The following KIAA0319 variants were observed in gnomAD, a reference collection of about 807,000 sequenced individuals.
KIAA0319 encodes KIAA0319, also known as dyslexia-associated protein KIAA0319.
A neutral mutation model predicts 108.4 loss-of-function variants in KIAA0319; 83 were observed. The ratio of observed to expected loss-of-function variants is 0.77; its 90% CI spans 0.64 to 0.92. The LOEUF (loss-of-function observed/expected upper bound fraction) is 0.92. KIAA0319 is among the 40% of genes least tolerant of loss of function. The pLI is 0.00. For synonymous variants in KIAA0319, 484 were observed against 510.4 expected (o/e 0.95, Z 0.70); for missense variants, 1,195 against 1,322.4 (o/e 0.90, Z 1.49).
At chr6:24,628,253 T>G (rs1181676227) in intron 1 of KIAA0319, among the ~76,000 whole-genome samples, 1 of 152,232 alleles carries the variant, frequency 6.6e-6, no homozygotes, top group East Asian at 1.9e-4. Flanking sequence ...TGTCAGGTAT[T>G]GTAATTTTCC....
chr6:24,569,180 GC>G (rs1764320358), intron 12 of KIAA0319, among the ~76,000 whole-genome samples: 2 of 152,164 alleles, frequency 1.3e-5, no homozygotes, highest in Admixed American at 1.3e-4. Flanking sequence ...AAGTCAAGCT[GC>G]CAGTGAAATG....
At chr6:24,602,522 C>T (rs1039218548) in intron 1 of KIAA0319, among the ~76,000 whole-genome samples, 8 of 152,128 alleles carry the variant, frequency 5.3e-5, no homozygotes, top group Non-Finnish European at 1.0e-4. Context: ...GCATCCTGGC[C>T]GGGTGCGGTG....
rs73727983 is a variant in KIAA0319, at chr6:24,563,265, A to G, written c.2591+94T>C. On this transcript the variant is annotated intron_variant, in intron 16 of 20. Transcript: ENST00000378214. Reference sequence around the variant, plus strand: ...AAAAGTGTGTCAAAAATACAAAAGTAGCAGAGGAATGAACAGTTTTCTACT... The same window carrying G: ...AAAAGTGTGTCAAAAATACAAAAGTGGCAGAGGAATGAACAGTTTTCTACT... 1,205 of 1,363,450 alleles carry G rather than the reference A, an allele frequency of 8.8e-4. 15 individuals are homozygous for G. In the African/African-American group the frequency reaches 0.015, roughly 17 times the overall value. 84.5% of individuals were successfully genotyped at this position (1,363,450 alleles called of 1,614,324 possible). A position where few individuals can be genotyped will look rare whatever the true frequency, so the allele number is the denominator to read the frequency against.
At position 24,576,456 on chromosome 6, in the gene KIAA0319, T is replaced by C. The variant is rs1382765085; in HGVS notation, c.1646A>G (p.Asn549Ser). The change falls in exon 10 of 21, where the codon AAT becomes AGT. Residue 549 changes from asparagine to serine, a missense_variant. Coordinates refer to ENST00000378214, the MANE Select transcript of KIAA0319 (RefSeq NM_014809.4). Reference protein sequence around the residue: ...ITLPQNSITLNGNQSSDDHQI... With the variant: ...ITLPQNSITLSGNQSSDDHQI... ...GTGATCGTCACTGCTCTGGTTTCCA[T>C]TCAAAGTGATGGAGTTTTGGGGCAA... 6 of 1,614,046 alleles carry C rather than the reference T, an allele frequency of 3.7e-6. No individual in the cohort carries two copies. Among genetic ancestry groups the C allele is most frequent in the Non-Finnish European group, 5.1e-6 (6 of 1,180,028 alleles).
chr6:24,588,504 G>A lies in KIAA0319; in HGVS notation c.994+89C>T, dbSNP rs1767910429. The A allele has an allele frequency of 7.5e-6, 8 of 1,067,650 alleles. 1 individual carries two copies. The East Asian group carries it at 9.5e-5, about 13-fold the overall frequency. The allele number at this position is 1,067,650 out of a possible 1,614,324, so 66.1% of individuals were successfully genotyped here. A position where few individuals can be genotyped will look rare whatever the true frequency, so the allele number is the denominator to read the frequency against. On this transcript the variant is annotated intron_variant, in intron 4 of 20. Coordinates refer to ENST00000378214, the MANE Select transcript of KIAA0319 (RefSeq NM_014809.4). ...ATAGATGCTGAAAAATGTGCCTGGA[G>A]GGAATGAGTAAACTTTAAAAGTTGT...
intron 2 of KIAA0319, chr6:24,600,717 T>G (rs1178502497): frequency 2.7e-5 from 40 of 1,468,642 alleles, no homozygotes; most frequent in Non-Finnish European, 2.8e-6. Context: ...AAACTGAGTA[T>G]AATGAAAATA....
intron 1 of KIAA0319, among the ~76,000 whole-genome samples, chr6:24,642,814 A>C (rs900027090): frequency 5.9e-5 from 9 of 151,556 alleles, no homozygotes; most frequent in Admixed American, 1.3e-4. Flanking sequence ...CGCCTCCCGG[A>C]GTTCAAGTGA....
rs1441977279 is a variant in KIAA0319 at position 24,554,547 on chromosome 6, C to A, written c.2942G>T (p.Cys981Phe). ...GAATAAGCACTCTAGGTACCTTTTGCAGCAGCAGATGCAAAGCCAAGTGAA... is the reference window on the plus strand; with the variant it reads ...GAATAAGCACTCTAGGTACCTTTTGAAGCAGCAGATGCAAAGCCAAGTGAA... The part of the protein sequence containing the change: ...GGFTWLCICC[C>F]KRQKRTKIRK... The change falls in exon 19 of 21, where the codon TGC becomes TTC. Residue 981 changes from cysteine (C) to phenylalanine (F), a missense_variant. Cys to Phe is a radical substitution (Grantham distance 205). Transcript: ENST00000378214. 1.9e-6 allele frequency: 3 copies of A among 1,611,794 alleles called. No individual in the cohort carries two copies. Among genetic ancestry groups the A allele is most frequent in the Non-Finnish European group, 2.5e-6 (3 of 1,177,976 alleles).
At chr6:24,547,443 C>A in intron 20 of KIAA0319, 100 bp from the exon 21 acceptor site, 2 of 962,414 alleles carry the variant, frequency 2.1e-6, no homozygotes, top group South Asian at 1.6e-5. Flanking sequence ...CGGAGTGGTG[C>A]TCTCCGCCCC....
chr6:24,624,551 A>G lies in KIAA0319; in HGVS notation c.-106+21185T>C, dbSNP rs181882811. ...TAGCAGCTAAGTGTAATGCAGAAGA[A>G]GGAAAACATTGAGGAAAAAATAGAA... On this transcript the variant is annotated intron_variant, in intron 1 of 20. Coordinates refer to ENST00000378214, the MANE Select transcript of KIAA0319 (RefSeq NM_014809.4). 3.2e-4 allele frequency among the ~76,000 whole-genome samples: 48 copies of G among 152,304 alleles called. 1 individual carries two copies. Among genetic ancestry groups the G allele is most frequent in the Middle Eastern group, 6.8e-3 (2 of 294 alleles).
chr6:24,555,948 A>G (rs545022558), intron 18 of KIAA0319, among the ~76,000 whole-genome samples: 2 of 152,332 alleles, frequency 1.3e-5, no homozygotes, highest in Admixed American at 6.5e-5. Context: ...TAGTGAGCCA[A>G]TTCTGCTCTG....
At chr6:24,598,417 C>CA in intron 2 of KIAA0319, 1 of 595,062 alleles carries the variant, frequency 1.7e-6, no homozygotes, top group South Asian at 1.4e-5. Flanking sequence ...CCTGCAGCAG[C>CA]AGAAGACAGT....
chr6:24,637,501 AAAC>A (rs1310676872), intron 1 of KIAA0319, among the ~76,000 whole-genome samples: 2 of 152,210 alleles, frequency 1.3e-5, no homozygotes, highest in African/African-American at 4.8e-5. Flanking sequence ...AGTAATGTAA[AAAC>A]AACTGCATTG....
Position 24,589,662 on chromosome 6 carries a change from G to A in KIAA0319, c.802-877C>T, listed in dbSNP as rs147830407. ...GGCCTCCCCAGCCATGTGGAACTGT[G>A]AGTTACTTAAACCTCTTTCCTTTGT... is the stretch of plus-strand genomic sequence containing the variant. On this transcript the variant is annotated intron_variant, in intron 3 of 20. Coordinates refer to ENST00000378214, the MANE Select transcript of KIAA0319 (RefSeq NM_014809.4). Among the ~76,000 whole-genome samples the A allele has an allele frequency of 6.6e-5, 10 of 152,294 alleles. No homozygotes were observed. In the East Asian group the frequency reaches 1.4e-3, roughly 21 times the overall value.
intron 3 of KIAA0319, among the ~76,000 whole-genome samples, chr6:24,591,165 T>C (rs1490876771): frequency 1.3e-5 from 2 of 152,242 alleles, no homozygotes; most frequent in African/African-American, 2.4e-5. Context: ...CACTATTTTA[T>C]GCATAGTACT....
intron 16 of KIAA0319, among the ~76,000 whole-genome samples, chr6:24,559,713 T>C (rs1044963664): frequency 1.3e-5 from 2 of 152,180 alleles, no homozygotes; most frequent in Non-Finnish European, 2.9e-5. Context: ...CTTTTTTTGA[T>C]TGAGATATAA....
At chr6:24,568,662 G>T in intron 13 of KIAA0319, 119 bp downstream of exon 13, 1 of 1,023,378 alleles carries the variant, frequency 9.8e-7, no homozygotes, top group Non-Finnish European at 1.4e-6. Context: ...GCAGGGTTCG[G>T]CATCTGCTGC....
At chr6:24,609,276 AAAAAAAAAAAAAAG>A (rs1003892865) in intron 1 of KIAA0319, among the ~76,000 whole-genome samples, 22 of 149,026 alleles carry the variant, frequency 1.5e-4, no homozygotes, top group South Asian at 6.4e-4. Flanking sequence ...TCAAAAACAA[AAAAAAAAAAAAAAG>A]AAAAAAAAAA....
intron 11 of KIAA0319, among the ~76,000 whole-genome samples, chr6:24,572,244 A>G (rs1219220175): frequency 2.0e-5 from 3 of 152,298 alleles, no homozygotes; most frequent in Admixed American, 2.0e-4. Context: ...GTGTTCCCCA[A>G]TGTCTGGCTA....
Sources: gnomAD v4.1 joint callset for allele counts (sites outside exome capture counted in the v4.1 genomes callset) on GRCh38, gnomAD v4.1.1 for gene constraint, MANE v1.5 for transcripts, NCBI Gene and HGNC (gene_info 2026-07-23, HGNC 2026-07-21) for gene names.